The following CDH18 variants were observed in gnomAD, a reference collection of about 807,000 sequenced individuals.
The protein encoded by CDH18 is cadherin 18.
A neutral mutation model predicts 67.9 loss-of-function variants in CDH18; 31 were observed. That is an observed-to-expected ratio of 0.46 (90% CI 0.34 to 0.62). The LOEUF is 0.62. Ranked by LOEUF, CDH18 falls within the 20% of genes least tolerant of loss-of-function variation. The pLI is 0.01. For synonymous variants in CDH18, 362 were observed against 347.2 expected (o/e 1.04, Z -0.48); for missense variants, 890 against 975.5 (o/e 0.91, Z 1.17).
chr5:20,183,526 G>T (rs754653108), intron 2 of CDH18, among the ~76,000 whole-genome samples: 2 of 151,642 alleles, frequency 1.3e-5, no homozygotes, highest in East Asian at 3.9e-4. Context: ...AAATATAGCA[G>T]AAAAAAAGAA....
chr5:20,220,233 G>A (rs1249571696), intron 2 of CDH18, among the ~76,000 whole-genome samples: 1 of 151,792 alleles, frequency 6.6e-6, no homozygotes, highest in Non-Finnish European at 1.5e-5. Context: ...TACTACAGAG[G>A]TATATATAGT....
At chr5:20,025,778 T>C (rs1280159587) in intron 2 of CDH18, among the ~76,000 whole-genome samples, 1 of 152,236 alleles carries the variant, frequency 6.6e-6, no homozygotes, top group African/African-American at 2.4e-5. Flanking sequence ...TCCTCATTGT[T>C]AGTGCCAATT....
chr5:20,204,688 C>CAGT (rs1327097389), intron 2 of CDH18, among the ~76,000 whole-genome samples: 1 of 151,848 alleles, frequency 6.6e-6, no homozygotes, highest in East Asian at 1.9e-4. Context: ...AGAGTAGCTA[C>CAGT]AGTAACCTGT....
chr5:19,704,798 T>C (rs955196328), intron 5 of CDH18, among the ~76,000 whole-genome samples: 1 of 152,086 alleles, frequency 6.6e-6, no homozygotes, highest in Non-Finnish European at 1.5e-5. Context: ...TCTTTGTTAT[T>C]AAGAAAAAAT....
At chr5:19,701,115 T>C (rs1335059024) in intron 5 of CDH18, among the ~76,000 whole-genome samples, 9 of 152,040 alleles carry the variant, frequency 5.9e-5, no homozygotes, top group Admixed American at 4.6e-4. Context: ...GGCTAAAATA[T>C]CAAATTTTAA....
chr5:19,509,575 TAAAGA>T (rs1400768795), intron 10 of CDH18, among the ~76,000 whole-genome samples: 2 of 152,170 alleles, frequency 1.3e-5, no homozygotes, highest in Admixed American at 6.6e-5. Context: ...TTTTTGACAG[TAAAGA>T]ATCTCTATTG....
At chr5:20,144,512 C>G (rs1750492161) in intron 2 of CDH18, among the ~76,000 whole-genome samples, 1 of 152,052 alleles carries the variant, frequency 6.6e-6, no homozygotes, top group African/African-American at 2.4e-5. Flanking sequence ...CAATTTGCTT[C>G]AGGATAAGTC....
At chr5:19,885,342 C>CT in intron 2 of CDH18, among the ~76,000 whole-genome samples, 1 of 152,258 alleles carries the variant, frequency 6.6e-6, no homozygotes, top group Middle Eastern at 3.4e-3. Flanking sequence ...GTCAAGAGTA[C>CT]TAGCTGTTAT....
At chr5:20,105,050 A>T in intron 2 of CDH18, among the ~76,000 whole-genome samples, 1 of 151,950 alleles carries the variant, frequency 6.6e-6, no homozygotes. Flanking sequence ...GTGCAATGAC[A>T]CGATCTTGGC....
chr5:19,831,807 T>G (rs1362182356), intron 3 of CDH18, among the ~76,000 whole-genome samples: 1 of 152,162 alleles, frequency 6.6e-6, no homozygotes, highest in Admixed American at 6.6e-5. Flanking sequence ...TACACCCATA[T>G]GTTCATTGCA....
chr5:20,087,489 AAAAC>A (rs1184842253), intron 2 of CDH18, among the ~76,000 whole-genome samples: 11 of 152,218 alleles, frequency 7.2e-5, no homozygotes, highest in African/African-American at 2.6e-4. Flanking sequence ...GGAAAAAAAA[AAAAC>A]AAAGTCAGCA....
chr5:20,492,235 T>C (rs1753638892), intron 1 of CDH18, among the ~76,000 whole-genome samples: 2 of 152,090 alleles, frequency 1.3e-5, no homozygotes, highest in African/African-American at 4.8e-5. Flanking sequence ...TGCTACACTA[T>C]AATATACTTT....
At chr5:20,007,703 G>GTA (rs1737030996) in intron 2 of CDH18, among the ~76,000 whole-genome samples, 2 of 150,876 alleles carry the variant, frequency 1.3e-5, no homozygotes, top group Admixed American at 6.6e-5. Flanking sequence ...GTGTGTGTGT[G>GTA]TGTGTGTGTG....
intron 1 of CDH18, among the ~76,000 whole-genome samples, chr5:20,341,325 G>T (rs1740241477): frequency 6.6e-6 from 1 of 151,982 alleles, no homozygotes; most frequent in East Asian, 1.9e-4. Context: ...AGATGAGACA[G>T]GCCTAGCCTC....
intron 9 of CDH18, among the ~76,000 whole-genome samples, chr5:19,533,647 G>A (rs1748995468): frequency 6.6e-6 from 1 of 152,130 alleles, no homozygotes; most frequent in Non-Finnish European, 1.5e-5. Flanking sequence ...AAAATAGAAA[G>A]AGCATTGTCT....
intron 1 of CDH18, among the ~76,000 whole-genome samples, chr5:20,416,912 A>G (rs553553383): frequency 1.2e-4 from 18 of 152,246 alleles, no homozygotes; most frequent in African/African-American, 3.6e-4. Flanking sequence ...AAATAGATTG[A>G]ATAAGATTTT....
At chr5:20,447,740 A>C (rs1270797524) in intron 1 of CDH18, among the ~76,000 whole-genome samples, 1 of 152,090 alleles carries the variant, frequency 6.6e-6, no homozygotes, top group Admixed American at 6.6e-5. Context: ...ACTTCTATCT[A>C]TCATTTACAG....
intron 2 of CDH18, among the ~76,000 whole-genome samples, chr5:19,848,508 C>T (rs1783265422): frequency 6.6e-6 from 1 of 152,054 alleles, no homozygotes; most frequent in Non-Finnish European, 1.5e-5. Context: ...GAAATAATGT[C>T]TCCATGGGAT....
At chr5:19,563,106 A>G (rs925467000) in intron 8 of CDH18, among the ~76,000 whole-genome samples, 1 of 152,186 alleles carries the variant, frequency 6.6e-6, no homozygotes, top group African/African-American at 2.4e-5. Context: ...CTCTCTGAGC[A>G]TTTATAATAT....
Sources: allele counts gnomAD v4.1 joint callset (sites outside exome capture counted in the v4.1 genomes callset), GRCh38; gene constraint gnomAD v4.1.1; transcripts MANE v1.5; gene names NCBI Gene and HGNC (gene_info 2026-07-23, HGNC 2026-07-21).